The following FAT3 variants were observed in gnomAD, a reference collection of about 807,000 sequenced individuals.
The protein encoded by FAT3 is FAT atypical cadherin 3, also known as protocadherin Fat 3.
A neutral mutation model predicts 310.2 loss-of-function variants in FAT3; 95 were observed. That is an observed-to-expected ratio of 0.31 (90% CI 0.26 to 0.36). The LOEUF (loss-of-function observed/expected upper bound fraction) is 0.36, where lower values mean the gene tolerates loss of function less well. Among genes scored for constraint, FAT3 ranks in the 10% least tolerant of loss-of-function variants. The pLI is 1.00. For missense variants in FAT3, 5,408 were observed against 5,715.6 expected (o/e 0.95, Z 1.74); for synonymous variants, 2,314 against 2,192.9 (o/e 1.06, Z -1.54).
At chr11:92,840,261 A>C (rs1490084018) in intron 17 of FAT3, among the ~76,000 whole-genome samples, 1 of 152,214 alleles carries the variant, frequency 6.6e-6, no homozygotes, top group African/African-American at 2.4e-5. Context: ...ACCCAGCACC[A>C]TGCTCGGAAC....
intron 22 of FAT3, among the ~76,000 whole-genome samples, chr11:92,869,974 C>A (rs1015080405): frequency 1.9e-4 from 29 of 152,318 alleles, no homozygotes; most frequent in African/African-American, 6.5e-4. Flanking sequence ...AGACTGCTTG[C>A]ACATGAGGCT....
At chr11:92,509,688 C>T (rs926555085) in intron 2 of FAT3, among the ~76,000 whole-genome samples, 3 of 152,160 alleles carry the variant, frequency 2.0e-5, no homozygotes, top group Middle Eastern at 3.4e-3. Context: ...GTTATTAATG[C>T]GGAAAGATGT....
intron 4 of FAT3, among the ~76,000 whole-genome samples, chr11:92,735,737 T>C (rs957820966): frequency 7.3e-5 from 11 of 151,692 alleles, no homozygotes; most frequent in African/African-American, 2.7e-4. Context: ...AACACTGTGT[T>C]GGACTATTAC....
intron 13 of FAT3, among the ~76,000 whole-genome samples, chr11:92,825,485 T>C (rs545291779): frequency 2.8e-4 from 42 of 152,170 alleles, no homozygotes; most frequent in Middle Eastern, 3.4e-3. Flanking sequence ...AAAGCATATG[T>C]AGGATTTTGA....
chr11:92,389,089 TA>T (rs1473207247), intron 2 of FAT3, among the ~76,000 whole-genome samples: 1 of 152,190 alleles, frequency 6.6e-6, no homozygotes, highest in East Asian at 1.9e-4. Flanking sequence ...CATGAAATCT[TA>T]CATTTTGTTC....
chr11:92,565,150 A>T (rs1347332688), intron 3 of FAT3, among the ~76,000 whole-genome samples: 1 of 141,332 alleles, frequency 7.1e-6, no homozygotes, highest in African/African-American at 2.5e-5. Context: ...CAAGACTAAT[A>T]AAGAAAAAAA....
chr11:92,691,028 T>G (rs1410170386), intron 3 of FAT3, among the ~76,000 whole-genome samples: 1 of 152,226 alleles, frequency 6.6e-6, no homozygotes, highest in Non-Finnish European at 1.5e-5. Context: ...CAGCATGTAT[T>G]GTTCCCGATT....
chr11:92,537,732 C>T (rs1266019322), intron 3 of FAT3, among the ~76,000 whole-genome samples: 1 of 152,046 alleles, frequency 6.6e-6, no homozygotes, highest in Non-Finnish European at 1.5e-5. Context: ...CCCTAATATA[C>T]CCTTGTAATA....
intron 3 of FAT3, among the ~76,000 whole-genome samples, chr11:92,687,458 C>T (rs191714928): frequency 1.4e-4 from 22 of 152,242 alleles, no homozygotes; most frequent in African/African-American, 4.8e-4. Flanking sequence ...ATTAAAGGCC[C>T]AGTACAAACA....
intron 3 of FAT3, among the ~76,000 whole-genome samples, chr11:92,650,498 CAG>C (rs1188860734): frequency 2.6e-5 from 4 of 152,282 alleles, no homozygotes; most frequent in South Asian, 4.1e-4. Context: ...TTCCTTAGCA[CAG>C]AGTCTTTGGA....
At position 92,354,426 on chromosome 11, in the gene FAT3, A is replaced by G. The variant is rs1948670367; in HGVS notation, c.2314A>G (p.Ser772Gly). ...LFTISDGNTDSCFNIDMETGQ... is the reference protein window; with the variant it reads ...LFTISDGNTDGCFNIDMETGQ... ...TACAATATCAGATGGAAATACGGAT[A>G]GTTGCTTTAATATTGATATGGAGAC... Residue 772 changes from serine to glycine, a missense_variant, in exon 2 of 28, where the codon AGT (serine) becomes GGT (glycine). By Grantham distance (56) the Ser-to-Gly change is moderately conservative. Transcript: ENST00000525166. 5.6e-6 allele frequency: 9 copies of G among 1,613,920 alleles called. No individual in the cohort carries two copies. The highest frequency in any genetic ancestry group is 6.8e-6 in the Non-Finnish European group (8 of 1,179,852).
intron 2 of FAT3, among the ~76,000 whole-genome samples, chr11:92,390,511 C>T (rs1591214334): frequency 6.6e-6 from 1 of 152,112 alleles, no homozygotes; most frequent in Admixed American, 6.6e-5. Flanking sequence ...CCATGCCTTC[C>T]GAGGATGGAT....
intron 2 of FAT3, among the ~76,000 whole-genome samples, chr11:92,365,256 T>TGA (rs1453181099): frequency 6.6e-6 from 1 of 151,960 alleles, no homozygotes; most frequent in African/African-American, 2.4e-5. Flanking sequence ...GGTGACAGAG[T>TGA]GAGACCCTGT....
chr11:92,851,578 A>G (rs569710432), intron 19 of FAT3, among the ~76,000 whole-genome samples: 10 of 152,302 alleles, frequency 6.6e-5, no homozygotes, highest in African/African-American at 2.4e-4. Flanking sequence ...AATGGGGAAC[A>G]GAGCTTACTC....
chr11:92,338,546 A>G (rs1399802156), intron 1 of FAT3, among the ~76,000 whole-genome samples: 2 of 152,102 alleles, frequency 1.3e-5, no homozygotes, highest in African/African-American at 4.8e-5. Flanking sequence ...AAGCCATGGA[A>G]AAGTGAGGCC....
At chr11:92,836,069 A>G (rs191198320) in intron 15 of FAT3, among the ~76,000 whole-genome samples, 11 of 152,238 alleles carry the variant, frequency 7.2e-5, no homozygotes, top group Admixed American at 7.2e-4. Context: ...TGGAAAGTAC[A>G]TGACTGTTTC....
At chr11:92,539,600 G>A (rs1236040057) in intron 3 of FAT3, among the ~76,000 whole-genome samples, 1 of 152,110 alleles carries the variant, frequency 6.6e-6, no homozygotes, top group Non-Finnish European at 1.5e-5. Flanking sequence ...CTGTTTACAA[G>A]ACAAAAGCAC....
intron 1 of FAT3, among the ~76,000 whole-genome samples, chr11:92,238,660 G>T (rs1329354861): frequency 2.6e-5 from 4 of 152,122 alleles, no homozygotes; most frequent in South Asian, 2.1e-4. Flanking sequence ...TGAGAAGCCT[G>T]CACAGAACTA....
intron 9 of FAT3, among the ~76,000 whole-genome samples, chr11:92,795,752 A>T (rs746343447): frequency 9.2e-5 from 14 of 152,034 alleles, no homozygotes; most frequent in African/African-American, 2.9e-4. Context: ...CTCTACAAAC[A>T]TGAAAATTAG....
Sources: allele counts gnomAD v4.1 joint callset (sites outside exome capture counted in the v4.1 genomes callset), GRCh38; gene constraint gnomAD v4.1.1; transcripts MANE v1.5; gene names NCBI Gene and HGNC (gene_info 2026-07-23, HGNC 2026-07-21).